Variants in SLC12A9 observed in about 807,000 individuals in gnomAD.
SLC12A9 encodes solute carrier family 12 member 9.
In SLC12A9, 55 loss-of-function variants were observed where a neutral mutation model predicts 66.0. The ratio of observed to expected loss-of-function variants is 0.83; its 90% CI spans 0.67 to 1.04. SLC12A9 has a LOEUF of 1.04. Ranked by LOEUF, SLC12A9 falls within the 50% of genes least tolerant of loss-of-function variation. The pLI is 0.00. For synonymous variants in SLC12A9, 577 were observed against 569.0 expected (o/e 1.01, Z -0.20); for missense variants, 1,061 against 1,241.9 (o/e 0.85, Z 2.19).
chr7:100,859,223 G>A (rs1814591914), intron 7 of SLC12A9, 62 bp downstream of exon 7: 1 of 1,479,674 alleles, frequency 6.8e-7, no homozygotes. Flanking sequence ...GTCACCAAGG[G>A]GAAACACAGG....
rs556332118 is a variant in SLC12A9, at chr7:100,831,710, G to A, written n.228+4663G>A. 1.4e-4 allele frequency among the ~76,000 whole-genome samples: 22 copies of A among 152,218 alleles called. No individual in the cohort carries two copies. The South Asian group carries it at 2.5e-3, about 17-fold the overall frequency. On this transcript the variant is annotated intron_variant and non_coding_transcript_variant, in intron 1 of 1. Transcript: ENST00000461016. ...TCCTGGAGTTACAGCTTTTCCTATT[G>A]TAAGAAATAACAAGCAGCAAATCAC...
At position 100,854,395 on chromosome 7, in the gene SLC12A9, G is replaced by C; in HGVS notation, c.181+17G>C. 1 of 1,612,414 alleles carries C rather than the reference G, an allele frequency of 6.2e-7. No individual in the cohort carries two copies. Among genetic ancestry groups the C allele is most frequent in the East Asian group, 2.2e-5 (1 of 44,868 alleles). On this transcript the variant is annotated intron_variant, in intron 2 of 13. Coordinates refer to ENST00000354161, the MANE Select transcript of SLC12A9 (RefSeq NM_020246.4). The stretch of plus-strand genomic sequence containing the variant: ...TGAGGATTGGTGAGTGGGTCCTGGG[G>C]CGGGTGTGGACTGACTATAGTATGG...
At position 100,859,943 on chromosome 7, in the gene SLC12A9, G is replaced by A. The variant is rs1433599524; in HGVS notation, c.1036G>A (p.Val346Met). The change falls in exon 8 of 14, where the codon GTG (valine) becomes ATG (methionine). Residue 346 changes from valine (V) to methionine (M), a missense_variant. By Grantham distance (21) the Val-to-Met change is conservative (BLOSUM62 1). Transcript: ENST00000354161. ...CGCCATCAGCCTGTGGCCCCCACTG[G>A]TGTTGATCGGAATCTATGCCACAGC... is the stretch of plus-strand genomic sequence containing the variant. ...FRAISLWPPL[V>M]LIGIYATALS... 1.2e-6 allele frequency: 2 copies of A among 1,612,310 alleles called. No individual in the cohort carries two copies. The highest frequency in any genetic ancestry group is 2.2e-5 in the East Asian group (1 of 44,790).
chr7:100,865,341 T>C (rs1287608592), intron 13 of SLC12A9: 2 of 1,535,822 alleles, frequency 1.3e-6, no homozygotes, highest in Non-Finnish European at 1.7e-6. Flanking sequence ...CTGATCAGGG[T>C]GTCTGGTTTG....
chr7:100,865,657 G>A (rs1815031907), intron 13 of SLC12A9, 62 bp from the exon 14 acceptor site: 1 of 1,562,524 alleles, frequency 6.4e-7, no homozygotes, highest in East Asian at 2.2e-5. Context: ...TGGGAGCGTG[G>A]TGTAAACTTA....
chr7:100,842,461 ATCC>A (rs1454821869), intron 1 of SLC12A9, among the ~76,000 whole-genome samples: 1 of 152,128 alleles, frequency 6.6e-6, no homozygotes, highest in Non-Finnish European at 1.5e-5. Flanking sequence ...GGACCATTTA[ATCC>A]AGGGAGATTT....
chr7:100,833,932 CAAAAAAAAAA>C lies in SLC12A9; in HGVS notation n.228+6905_228+6914del, dbSNP rs60667059. 4.9e-4 allele frequency among the ~76,000 whole-genome samples: 31 copies of C among 63,072 alleles called. No homozygotes were observed. The South Asian group carries it at 0.011, about 21-fold the overall frequency. 41.4% of individuals were successfully genotyped at this position (63,072 alleles called of 152,430 possible). On this transcript the variant is annotated intron_variant and non_coding_transcript_variant, in intron 1 of 1. Coordinates refer to the SLC12A9 transcript ENST00000461016. ...TCAGGTACAGAGCGAGACTCTGTCT[CAAAAAAAAAA>C]AAAAAAAAAAAAAAAAAAAGAAAGA... is the stretch of plus-strand genomic sequence containing the variant.
intron 1 of SLC12A9, among the ~76,000 whole-genome samples, chr7:100,835,801 C>T (rs1813643662): frequency 6.6e-6 from 1 of 152,180 alleles, no homozygotes; most frequent in Non-Finnish European, 1.5e-5. Context: ...TAGCAAGAGG[C>T]TGAGAGAAAT....
chr7:100,865,318 GT>G, intron 13 of SLC12A9: 1 of 1,535,844 alleles, frequency 6.5e-7, no homozygotes, highest in Non-Finnish European at 8.7e-7. Context: ...GGGGATTCAG[GT>G]CATGAGCTTG....
At chr7:100,851,917 A>G (rs1397681334), upstream of SLC12A9, among the ~76,000 whole-genome samples, 1 of 152,098 alleles carries the variant, frequency 6.6e-6, no homozygotes, top group Non-Finnish European at 1.5e-5. Context: ...TGCAAGGGAT[A>G]ATTTATCAAA....
At chr7:100,827,727 G>A (rs991779035) in intron 1 of SLC12A9, among the ~76,000 whole-genome samples, 17 of 152,204 alleles carry the variant, frequency 1.1e-4, no homozygotes, top group Non-Finnish European at 1.5e-5. Flanking sequence ...AGGGGCGGCG[G>A]GTGAGGAACC....
chr7:100,837,608 C>T (rs1033590765), intron 1 of SLC12A9: 1 of 152,224 alleles, frequency 6.6e-6, no homozygotes, highest in Non-Finnish European at 1.5e-5. Flanking sequence ...TTTGGTTATT[C>T]CAGGCGCAGG....
intron 1 of SLC12A9, among the ~76,000 whole-genome samples, chr7:100,829,505 G>C (rs867988493): frequency 1.3e-5 from 2 of 151,886 alleles, no homozygotes; most frequent in Middle Eastern, 3.4e-3. Flanking sequence ...TGGGTCCTGC[G>C]CCCGGGTTGG....
chr7:100,859,647 G>A, intron 7 of SLC12A9: 1 of 519,926 alleles, frequency 1.9e-6, no homozygotes, highest in Non-Finnish European at 3.4e-6. Context: ...AGAGGTCGAG[G>A]CTGCAGTGAG....
Position 100,866,385 on chromosome 7 carries a change from G to C in SLC12A9, c.2525G>C (p.Arg842Pro), listed in dbSNP as rs200447940. 2.0e-6 allele frequency: 3 copies of C among 1,528,334 alleles called. No individual in the cohort carries two copies. The South Asian group carries it at 3.7e-5, about 19-fold the overall frequency. 94.7% of individuals were successfully genotyped at this position (1,528,334 alleles called of 1,614,324 possible). ...GCACGCAGCGCCAACGCCCTGGTTC[G>C]GGCCCAGCAGGGGCGCGGCACAGGA... ...ALARSANALVRAQQGRGTGGG... is the reference protein window; with the variant it reads ...ALARSANALVPAQQGRGTGGG... Residue 842 changes from arginine (R) to proline (P), a missense_variant, in exon 14 of 14, where the codon CGG (arginine) becomes CCG (proline). By Grantham distance (103) the Arg-to-Pro change is moderately radical (BLOSUM62 -2). Coordinates refer to ENST00000354161, the MANE Select transcript of SLC12A9 (RefSeq NM_020246.4). This position sits in a 1 kb window ranked among gnomAD's most constrained non-coding sequence, Gnocchi z 7.3.
chr7:100,859,585 C>G, intron 7 of SLC12A9: 1 of 411,904 alleles, frequency 2.4e-6, no homozygotes, highest in Non-Finnish European at 4.4e-6. Flanking sequence ...ATGGCAAATG[C>G]TTGTAGTCTT....
rs747322913 is a variant in SLC12A9 at position 100,859,071 on chromosome 7, G to T, written c.887G>T (p.Arg296Leu). Residue 296 changes from arginine to leucine, a missense_variant, in exon 7 of 14, where the codon CGG becomes CTG. Arg to Leu is a moderately radical substitution (Grantham distance 102). Transcript: ENST00000354161. ...CCAGGGGAGCTGAAGGACCCCAGCC[G>T]GGCGATCCCTCTGGGCACGATCGTC... ...NMSGELKDPS[R>L]AIPLGTIVAV... 2.5e-6 allele frequency: 4 copies of T among 1,613,574 alleles called. No homozygotes were observed. In the African/African-American group the frequency reaches 5.3e-5, roughly 22 times the overall value.
intron 13 of SLC12A9, chr7:100,865,280 AT>A (rs766262457): frequency 4.2e-5 from 65 of 1,535,560 alleles, no homozygotes; most frequent in Non-Finnish European, 1.6e-5. Context: ...TCATCTTCCC[AT>A]TGCAGAGTCT....
chr7:100,861,910 C>T lies in SLC12A9; in HGVS notation c.1710C>T (p.Leu570=), dbSNP rs201332376. 3.8e-4 allele frequency: 604 copies of T among 1,591,082 alleles called. 3 individuals carry two copies. The highest frequency in any genetic ancestry group is 1.4e-3 in the South Asian group (125 of 87,974). The change falls in exon 12 of 14, where the codon CTC becomes CTT. Residue 570 remains leucine, a splice_region_variant and synonymous_variant. Transcript: ENST00000354161. The surrounding 1 kb of genome is among the most constrained non-coding windows in gnomAD (Gnocchi z 5.3). ...YVLGHVTLGD[L]DSLPSDPVQP... is the part of the protein sequence containing the mutation. ...TGGGCCACGTCACCCTGGGAGACCT[C>T]GGTGAGCTGCCCTCCCACTCACTCA... is the stretch of plus-strand genomic sequence containing the variant.
Sources: allele counts gnomAD v4.1 joint callset (sites outside exome capture counted in the v4.1 genomes callset), GRCh38; gene constraint gnomAD v4.1.1; non-coding constraint Gnocchi (gnomAD v3.1); transcripts MANE v1.5; gene names NCBI Gene and HGNC (gene_info 2026-07-23, HGNC 2026-07-21).